RAB33A: variants seen among roughly 807,000 people sequenced by gnomAD.
RAB33A encodes ras-related protein Rab-33A.
In RAB33A, 6 loss-of-function variants were observed where a neutral mutation model predicts 12.0. That is an observed-to-expected ratio of 0.50 (90% CI 0.27 to 0.99). RAB33A has a LOEUF of 0.99. Ranked by LOEUF, RAB33A falls within the 50% of genes least tolerant of loss-of-function variation. RAB33A has a pLI of 0.11. For synonymous variants in RAB33A, 70 were observed against 82.4 expected (o/e 0.85, Z 0.81); for missense variants, 109 against 192.0 (o/e 0.57, Z 2.55).
intron 1 of RAB33A, among the ~76,000 whole-genome samples, chrX:130,182,058 A>T (rs999691520): frequency 3.0e-5 from 3 of 98,750 alleles, no homozygotes; most frequent in Non-Finnish European, 6.1e-5. Flanking sequence ...ATCCCAGCAC[A>T]TTTTGAGGCC....
the RAB33A span, among the ~76,000 whole-genome samples, chrX:130,142,480 C>T: frequency 9.0e-6 from 1 of 111,238 alleles, no homozygotes; most frequent in Non-Finnish European, 1.9e-5. Context: ...TGAGGGCTCC[C>T]CACCACCCCC....
intron 1 of RAB33A, among the ~76,000 whole-genome samples, chrX:130,174,659 A>G (rs2031646433): frequency 1.8e-5 from 2 of 111,985 alleles, no homozygotes; most frequent in Non-Finnish European, 3.8e-5. Flanking sequence ...ATGGCCAGCA[A>G]TAGAAGGCTT....
the RAB33A span, chrX:130,147,940 TA>T: frequency 6.9e-5 from 81 of 1,177,149 alleles, no homozygotes; most frequent in Non-Finnish European, 8.4e-5. Flanking sequence ...TTGCCACTGT[TA>T]AAAAAAAATC....
chrX:130,120,286 C>T, the RAB33A span, among the ~76,000 whole-genome samples: 5 of 110,909 alleles, frequency 4.5e-5, no homozygotes, highest in Admixed American at 4.8e-4. Context: ...TTGACAAGCA[C>T]GGACCACCTA....
upstream of RAB33A, among the ~76,000 whole-genome samples, chrX:130,167,187 C>T (rs969997145): frequency 3.6e-5 from 4 of 112,484 alleles, no homozygotes; most frequent in Admixed American, 3.8e-4. Context: ...TAACATTTTT[C>T]ATTGTTAAAC....
At chrX:130,140,441 T>C in the RAB33A span, 1 of 774,269 alleles carries the variant, frequency 1.3e-6, no homozygotes, top group Admixed American at 2.2e-5. Flanking sequence ...GTTTCCATTT[T>C]CTTAAGTAGT....
At chrX:130,170,384 G>A (rs150929099), upstream of RAB33A, among the ~76,000 whole-genome samples, 1 of 112,486 alleles carries the variant, frequency 8.9e-6, no homozygotes, top group Admixed American at 9.4e-5. Context: ...TTGAATCCCT[G>A]ACCTTGATGG....
chrX:130,164,014 A>C, the RAB33A span, among the ~76,000 whole-genome samples: 470 of 108,129 alleles, frequency 4.3e-3, 3 homozygotes, highest in African/African-American at 0.015. Context: ...AAAAAAAAAA[A>C]AAAATTAGCC....
the RAB33A span, chrX:130,140,716 T>C: frequency 1.6e-6 from 1 of 627,155 alleles, no homozygotes; most frequent in Non-Finnish European, 2.6e-6. Context: ...CATTTTAAAG[T>C]GTGGAATTCT....
the RAB33A span, among the ~76,000 whole-genome samples, chrX:130,114,421 C>T: frequency 1.8e-5 from 2 of 112,369 alleles, no homozygotes; most frequent in East Asian, 5.6e-4. Flanking sequence ...TCCTTCCCCA[C>T]ACGGCTCGCC....
the RAB33A span, among the ~76,000 whole-genome samples, chrX:130,127,707 TGAGATGGAA>T: frequency 4.1e-5 from 4 of 98,646 alleles, no homozygotes; most frequent in Admixed American, 1.1e-4. Context: ...TTTTTTTTTT[TGAGATGGAA>T]TATTGCTGTG....
rs2031613742 is a variant in RAB33A at position 130,172,016 on chromosome X, T to C, written c.-47T>C. The C allele has an allele frequency of 8.7e-7, 1 of 1,153,265 alleles. No homozygotes were observed. The highest frequency in any genetic ancestry group is 1.2e-6 in the Non-Finnish European group (1 of 868,482). ...CGCACGAACGTGGACGTTCTCTTTGTGTGGAGCCCTCAAGGGGGGTTGGGG... is the reference window on the plus strand; with the variant it reads ...CGCACGAACGTGGACGTTCTCTTTGCGTGGAGCCCTCAAGGGGGGTTGGGG... On this transcript the variant is annotated 5_prime_UTR_variant, in exon 1 of 2. Transcript: ENST00000257017.
chrX:130,165,673 C>T, the RAB33A span: 3 of 1,160,989 alleles, frequency 2.6e-6, no homozygotes, highest in South Asian at 3.8e-5. Context: ...GACCGCTATT[C>T]GGGACCTCCT....
chrX:130,138,414 G>C, the RAB33A span, among the ~76,000 whole-genome samples: 1 of 111,360 alleles, frequency 9.0e-6, no homozygotes, highest in Non-Finnish European at 1.9e-5. Flanking sequence ...GCAGTGAGCC[G>C]AGATCGCGCC....
At chrX:130,181,134 G>A (rs1221451522) in intron 1 of RAB33A, among the ~76,000 whole-genome samples, 1 of 108,421 alleles carries the variant, frequency 9.2e-6, no homozygotes, top group Non-Finnish European at 1.9e-5. Context: ...GAGGCTGGCC[G>A]AGGGCCGAGG....
chrX:130,120,980 C>A, the RAB33A span, among the ~76,000 whole-genome samples: 1 of 112,918 alleles, frequency 8.9e-6, no homozygotes, highest in Non-Finnish European at 1.9e-5. Flanking sequence ...CGCTGGCACG[C>A]GGCCTCCCTT....
At chrX:130,111,109 G>A in the RAB33A span, among the ~76,000 whole-genome samples, 1 of 108,655 alleles carries the variant, frequency 9.2e-6, no homozygotes, top group South Asian at 3.9e-4. Context: ...GGGGAGCCGT[G>A]CCAGGGGCCC....
the RAB33A span, among the ~76,000 whole-genome samples, chrX:130,115,031 T>C: frequency 8.1e-5 from 9 of 110,971 alleles, no homozygotes; most frequent in Non-Finnish European, 1.7e-4. Context: ...CTTGAACTCC[T>C]GGGCTCAAGC....
At chrX:130,140,628 C>A in the RAB33A span, 8 of 1,143,699 alleles carry the variant, frequency 7.0e-6, no homozygotes, top group Non-Finnish European at 9.6e-6. Context: ...CTGGTACAGT[C>A]ACACACATAC....
Sources: allele counts gnomAD v4.1 joint callset (sites outside exome capture counted in the v4.1 genomes callset), GRCh38; gene constraint gnomAD v4.1.1; transcripts MANE v1.5; gene names NCBI Gene and HGNC (gene_info 2026-07-23, HGNC 2026-07-21).